Variants in NKAIN3 observed in about 807,000 individuals in gnomAD.
NKAIN3 encodes sodium/potassium transporting ATPase interacting 3.
NKAIN3 carries 25 observed loss-of-function variants against 30.2 expected under a neutral mutation model. The ratio of observed to expected loss-of-function variants is 0.83; its 90% CI spans 0.60 to 1.16. The LOEUF (loss-of-function observed/expected upper bound fraction) is 1.16. NKAIN3 is among the 50% of genes most tolerant of loss of function. The pLI is 0.00. For synonymous variants in NKAIN3, 91 were observed against 89.6 expected (o/e 1.02, Z -0.09); for missense variants, 225 against 254.1 (o/e 0.89, Z 0.78).
At chr8:62,455,768 A>G (rs567343882) in intron 1 of NKAIN3, among the ~76,000 whole-genome samples, 2 of 152,338 alleles carry the variant, frequency 1.3e-5, no homozygotes, top group East Asian at 3.9e-4. Flanking sequence ...CACACACACA[A>G]AAATAAAATT....
intron 5 of NKAIN3, among the ~76,000 whole-genome samples, chr8:62,919,974 A>G (rs1586348093): frequency 6.6e-6 from 1 of 151,498 alleles, no homozygotes; most frequent in East Asian, 1.9e-4. Context: ...AGTTCTAATG[A>G]CAACACTTTT....
At chr8:62,576,687 C>T (rs1810119918) in intron 1 of NKAIN3, among the ~76,000 whole-genome samples, 1 of 152,138 alleles carries the variant, frequency 6.6e-6, no homozygotes, top group East Asian at 1.9e-4. Context: ...CCCATCATGG[C>T]AGACATCAAG....
At chr8:62,601,811 G>A (rs1301329031) in intron 3 of NKAIN3, among the ~76,000 whole-genome samples, 1 of 152,012 alleles carries the variant, frequency 6.6e-6, no homozygotes, top group Non-Finnish European at 1.5e-5. Flanking sequence ...AAAATAGCAA[G>A]GAAATGTAAA....
At chr8:62,847,293 C>T (rs1305343916) in intron 4 of NKAIN3, among the ~76,000 whole-genome samples, 1 of 152,162 alleles carries the variant, frequency 6.6e-6, no homozygotes, top group Admixed American at 6.5e-5. Context: ...AACTAATTTA[C>T]ACTCCCACTA....
At chr8:62,332,005 C>A (rs912825127) in intron 1 of NKAIN3, among the ~76,000 whole-genome samples, 2 of 152,078 alleles carry the variant, frequency 1.3e-5, no homozygotes, top group Admixed American at 6.6e-5. Flanking sequence ...TCAAAGGGAA[C>A]AATTAAGGAA....
intron 3 of NKAIN3, among the ~76,000 whole-genome samples, chr8:62,609,844 G>A (rs1178491233): frequency 1.3e-5 from 2 of 152,112 alleles, no homozygotes; most frequent in Non-Finnish European, 2.9e-5. Context: ...CACGCCATGA[G>A]CCAGTAGAGG....
intron 4 of NKAIN3, among the ~76,000 whole-genome samples, chr8:62,768,384 C>A (rs1027147832): frequency 6.6e-6 from 1 of 152,160 alleles, no homozygotes; most frequent in African/African-American, 2.4e-5. Flanking sequence ...ACAACAGTTG[C>A]AGGTTTGGTA....
intron 1 of NKAIN3, among the ~76,000 whole-genome samples, chr8:62,366,733 A>G (rs952798957): frequency 6.6e-6 from 1 of 151,896 alleles, no homozygotes; most frequent in Non-Finnish European, 1.5e-5. Flanking sequence ...TCCTCGTACT[A>G]ACTTTGGATT....
chr8:62,410,179 C>T (rs1420206115), intron 1 of NKAIN3, among the ~76,000 whole-genome samples: 1 of 152,044 alleles, frequency 6.6e-6, no homozygotes, highest in Non-Finnish European at 1.5e-5. Flanking sequence ...TTAGGTCCCA[C>T]TTATAAGTGA....
intron 5 of NKAIN3, among the ~76,000 whole-genome samples, chr8:62,942,479 TC>T (rs1275312695): frequency 6.7e-6 from 1 of 149,596 alleles, no homozygotes; most frequent in Non-Finnish European, 1.5e-5. Context: ...TCAATGCAAT[TC>T]CCATCACAAT....
intron 4 of NKAIN3, among the ~76,000 whole-genome samples, chr8:62,830,329 C>A (rs1164783357): frequency 1.3e-5 from 2 of 152,044 alleles, no homozygotes; most frequent in Non-Finnish European, 2.9e-5. Flanking sequence ...AAACAAAAAT[C>A]CAGACTTTTC....
intron 3 of NKAIN3, among the ~76,000 whole-genome samples, chr8:62,594,300 G>T (rs934051181): frequency 2.0e-5 from 3 of 151,976 alleles, no homozygotes; most frequent in African/African-American, 7.2e-5. Context: ...TTATAGACAA[G>T]AATTAAATTG....
At chr8:62,747,720 C>A (rs1022463410) in intron 4 of NKAIN3, among the ~76,000 whole-genome samples, 3 of 152,182 alleles carry the variant, frequency 2.0e-5, no homozygotes, top group Non-Finnish European at 2.9e-5. Flanking sequence ...GACTGCCCCA[C>A]TCACAGTTTG....
At chr8:62,273,550 T>C (rs1812838222) in intron 1 of NKAIN3, among the ~76,000 whole-genome samples, 2 of 152,202 alleles carry the variant, frequency 1.3e-5, no homozygotes, top group Non-Finnish European at 2.9e-5. Flanking sequence ...CAGTTCTTTC[T>C]GTTCTTTATA....
chr8:62,626,122 C>T (rs1716721843), intron 3 of NKAIN3, among the ~76,000 whole-genome samples: 1 of 152,076 alleles, frequency 6.6e-6, no homozygotes, highest in Admixed American at 6.6e-5. Flanking sequence ...GCACTCTCTC[C>T]TCACTGGGGT....
chr8:62,383,035 G>C (rs139317026), intron 1 of NKAIN3, among the ~76,000 whole-genome samples: 8 of 152,078 alleles, frequency 5.3e-5, no homozygotes, highest in African/African-American at 1.9e-4. Context: ...AGCCTCAAAG[G>C]TCCTTATAAT....
chr8:62,790,039 T>C (rs904365807), intron 4 of NKAIN3, among the ~76,000 whole-genome samples: 4 of 152,156 alleles, frequency 2.6e-5, no homozygotes, highest in Non-Finnish European at 4.4e-5. Context: ...ATATCCTTGA[T>C]GAACATTGAT....
chr8:62,670,881 A>ACG (rs2130386667), intron 3 of NKAIN3, among the ~76,000 whole-genome samples: 1 of 59,862 alleles, frequency 1.7e-5, no homozygotes, highest in South Asian at 6.0e-4. Context: ...ACATACAAGC[A>ACG]CACACACACA....
At chr8:62,315,120 G>A (rs1208556796) in intron 1 of NKAIN3, among the ~76,000 whole-genome samples, 1 of 152,128 alleles carries the variant, frequency 6.6e-6, no homozygotes, top group Non-Finnish European at 1.5e-5. Context: ...TTTCTAACAA[G>A]GATAGCAAAT....
Sources: allele counts gnomAD v4.1 joint callset (sites outside exome capture counted in the v4.1 genomes callset), GRCh38; gene constraint gnomAD v4.1.1; transcripts MANE v1.5; gene names NCBI Gene and HGNC (gene_info 2026-07-23, HGNC 2026-07-21).